ZFP57: variants seen among roughly 807,000 people sequenced by gnomAD.
The protein encoded by ZFP57 is ZFP57 zinc finger protein, also known as zinc finger protein 57 homolog.
ZFP57 carries 12 observed loss-of-function variants against 15.8 expected under a neutral mutation model. The ratio of observed to expected loss-of-function variants is 0.76; its 90% CI spans 0.49 to 1.23. The LOEUF is 1.23. ZFP57 is among the 50% of genes most tolerant of loss of function. The pLI, the probability that ZFP57 is intolerant of heterozygous loss-of-function variation, is 0.00. For missense variants in ZFP57, 536 were observed against 654.9 expected (o/e 0.82, Z 1.98); for synonymous variants, 203 against 242.3 (o/e 0.84, Z 1.51).
Position 29,677,134 on chromosome 6 carries a change from G to A in ZFP57, c.-131C>T. On this transcript the variant is annotated 5_prime_UTR_variant, in exon 2 of 5. Transcript: ENST00000376883. Reference sequence around the variant, plus strand: ...ATGGAGAGGCCCAGCAAAGGCCCCAGGGTTTGATGTGGCTTCCTGTGACAA... The same window carrying A: ...ATGGAGAGGCCCAGCAAAGGCCCCAAGGTTTGATGTGGCTTCCTGTGACAA... The A allele has an allele frequency of 4.5e-6, 6 of 1,320,690 alleles. No individual in the cohort carries two copies. Among genetic ancestry groups the A allele is most frequent in the Non-Finnish European group, 5.4e-6 (5 of 927,656 alleles). 81.8% of individuals were successfully genotyped at this position (1,320,690 alleles called of 1,614,324 possible). A position where few individuals can be genotyped will look rare whatever the true frequency, so the allele number is the denominator to read the frequency against.
intron 1 of ZFP57, among the ~76,000 whole-genome samples, chr6:29,679,663 CG>C (rs1772238046): frequency 6.6e-6 from 1 of 152,092 alleles, no homozygotes. Context: ...CCGAGGCGGG[CG>C]GATCACCTGA....
intron 1 of ZFP57, among the ~76,000 whole-genome samples, chr6:29,679,910 C>CAAAA (rs67398923): frequency 6.5e-5 from 7 of 107,296 alleles, no homozygotes; most frequent in South Asian, 3.1e-4. Flanking sequence ...AACAAACAAA[C>CAAAA]AAAAAAAAAC....
Position 29,677,089 on chromosome 6 carries a change from A to G in ZFP57, c.-86T>C. 1 of 1,599,676 alleles carries G rather than the reference A, an allele frequency of 6.3e-7. No individual in the cohort carries two copies. Among genetic ancestry groups the G allele is most frequent in the Non-Finnish European group, 8.5e-7 (1 of 1,170,870 alleles). On this transcript the variant is annotated 5_prime_UTR_variant, in exon 2 of 5. Coordinates refer to ENST00000376883, the MANE Select transcript of ZFP57 (RefSeq NM_001109809.5). The stretch of plus-strand genomic sequence containing the variant: ...ACTGGATTCCTTCCTGGGGCTATCT[A>G]CCTCCCAGTAACTGGGCAGATGGAG...
At chr6:29,676,098 A>ATGTGTGTGGGTGTGTGTGTGTGTGTG (rs772885845) in intron 2 of ZFP57, 39 bp from the exon 3 acceptor site, 1 of 1,123,916 alleles carries the variant, frequency 8.9e-7, no homozygotes, top group African/African-American at 1.6e-5. Context: ...TTATATAAAT[A>ATGTGTGTGGGTGTGTGTGTGTGTGTG]TATATGTGTG....
chr6:29,678,225 C>A (rs1318819517), intron 1 of ZFP57, among the ~76,000 whole-genome samples: 1 of 152,174 alleles, frequency 6.6e-6, no homozygotes, highest in Non-Finnish European at 1.5e-5. Context: ...CAGAGATAAA[C>A]AATTCCTAAG....
chr6:29,680,705 G>A (rs1772299848), intron 1 of ZFP57, among the ~76,000 whole-genome samples: 1 of 152,226 alleles, frequency 6.6e-6, no homozygotes, highest in Non-Finnish European at 1.5e-5. Context: ...TGGCAAAGCA[G>A]GCGCTTGTTA....
Position 29,673,551 on chromosome 6 carries a change from C to G in ZFP57, c.560G>C (p.Arg187Pro). 6.2e-7 allele frequency: 1 copy of G among 1,613,006 alleles called. No individual in the cohort carries two copies. The highest frequency in any genetic ancestry group is 8.5e-7 in the Non-Finnish European group (1 of 1,180,006). The part of the protein sequence containing the change: ...CYTCGKCFSR[R>P]SYLYSHQFVH... ...AAACTGGTGGCTATAGAGGTAGGAGCGCCTGCTGAAACATTTGCCACAGGT... is the reference window on the plus strand; with the variant it reads ...AAACTGGTGGCTATAGAGGTAGGAGGGCCTGCTGAAACATTTGCCACAGGT... Residue 187 changes from arginine to proline, a missense_variant, in exon 5 of 5, where the codon CGC (arginine) becomes CCC (proline). Arg to Pro is a moderately radical substitution (Grantham distance 103). Transcript: ENST00000376883. This position sits in a 1 kb window ranked among gnomAD's most constrained non-coding sequence, Gnocchi z 4.7.
chr6:29,672,831 A>G lies in ZFP57; in HGVS notation c.1280T>C (p.Leu427Pro), dbSNP rs1343877566. ...CSKSFSSFSR[L>P]VRHQQTHWKQ... ...CCAGTGGGTCTGCTGGTGTCTGACC[A>G]GCCTGGAAAATGAGCTGAAAGACTT... is the stretch of plus-strand genomic sequence containing the variant. The change falls in exon 5 of 5, where the codon CTG becomes CCG. Residue 427 changes from leucine to proline, a missense_variant. Coordinates refer to ENST00000376883, the MANE Select transcript of ZFP57 (RefSeq NM_001109809.5). 5 of 1,613,116 alleles carry G rather than the reference A, an allele frequency of 3.1e-6. No individual in the cohort carries two copies. The South Asian group carries it at 5.5e-5, about 18-fold the overall frequency.
chr6:29,677,355 G>A lies in ZFP57; in HGVS notation c.-352C>T. 1 of 346,028 alleles carries A rather than the reference G, an allele frequency of 2.9e-6. No homozygotes were observed. The highest frequency in any genetic ancestry group is 3.2e-5 in the South Asian group (1 of 31,246). 21.4% of individuals were successfully genotyped at this position (346,028 alleles called of 1,614,324 possible). ...AGGTGTCTGCCGTCTGTTCTACCCT[G>A]CTTCTAGAAACCTGAGGTCAGAGAA... On this transcript the variant is annotated 5_prime_UTR_variant, in exon 2 of 5. Transcript: ENST00000376883.
intron 2 of ZFP57, 144 bp downstream of exon 2, chr6:29,676,736 GA>G (rs1042180060): frequency 5.1e-5 from 53 of 1,048,926 alleles, no homozygotes; most frequent in Non-Finnish European, 6.9e-5. Context: ...GGGAGATGGA[GA>G]AAGGTCTTGC....
chr6:29,676,785 C>CT (rs1772098850), intron 2 of ZFP57, 96 bp downstream of exon 2: 1 of 1,518,394 alleles, frequency 6.6e-7, no homozygotes, highest in African/African-American at 1.4e-5. Context: ...CTGGAACAAT[C>CT]TGAGATTTCA....
At chr6:29,675,249 A>G (rs1772012704) in intron 4 of ZFP57, 137 bp downstream of exon 4, 1 of 752,558 alleles carries the variant, frequency 1.3e-6, no homozygotes, top group Non-Finnish European at 2.4e-6. Flanking sequence ...CTCTCTTTCA[A>G]CTCCAAGTCT....
At chr6:29,675,806 C>A in intron 3 of ZFP57, 127 bp downstream of exon 3, 1 of 1,218,272 alleles carries the variant, frequency 8.2e-7, no homozygotes, top group Non-Finnish European at 1.2e-6. Context: ...TCAGATCTTT[C>A]ACACCTGGAA....
chr6:29,676,530 C>T (rs527312229), intron 2 of ZFP57, among the ~76,000 whole-genome samples: 20 of 103,250 alleles, frequency 1.9e-4, no homozygotes, highest in African/African-American at 6.3e-4. Context: ...AGCGAGACTC[C>T]GTCTCAAAAA....
rs761732364 is a variant in ZFP57 at position 29,676,946 on chromosome 6, C to T, written c.58G>A (p.Glu20Lys). 9.9e-6 allele frequency: 16 copies of T among 1,614,216 alleles called. No homozygotes were observed. Among genetic ancestry groups the T allele is most frequent in the Non-Finnish European group, 1.4e-5 (16 of 1,180,036 alleles). The change falls in exon 2 of 5, where the codon GAG becomes AAG. Residue 20 changes from glutamate to lysine, a missense_variant. Physicochemically the swap from Glu to Lys is moderately conservative, Grantham distance 56. Coordinates refer to ENST00000376883, the MANE Select transcript of ZFP57 (RefSeq NM_001109809.5). ...GCTTCCTGCAGGGTGGCAGCTACCT[C>T]GCCCACCCATGGGAGCGTCTTCTGT... ...PVQKTLPWVG[E>K]VAATLQEAMK...
rs375934044 is a variant in ZFP57, at chr6:29,675,383, T to C, written c.352+3A>G. On this transcript the variant is annotated splice_donor_region_variant and intron_variant, in intron 4 of 4. Transcript: ENST00000376883. ...CCCTTCCTCCCTGCTTGGCAATTCTTACCTGAAAGGCCTTCTGTGTTTGGG... is the reference window on the plus strand; with the variant it reads ...CCCTTCCTCCCTGCTTGGCAATTCTCACCTGAAAGGCCTTCTGTGTTTGGG... 8.7e-5 allele frequency: 140 copies of C among 1,612,204 alleles called. No homozygotes were observed. In the African/African-American group the frequency reaches 1.6e-3, roughly 18 times the overall value.
Position 29,675,173 on chromosome 6 carries a change from A to G in ZFP57, c.352+213T>C, listed in dbSNP as rs3129194. Among the ~76,000 whole-genome samples, 22,149 of 101,194 alleles carry G rather than the reference A, an allele frequency of 0.22. 2,175 individuals are homozygous for G. The highest frequency in any genetic ancestry group is 0.28 in the Admixed American group (2,367 of 8,394). The allele number at this position is 101,194 out of a possible 152,430, so 66.4% of individuals were successfully genotyped here. A position where few individuals can be genotyped will look rare whatever the true frequency, so the allele number is the denominator to read the frequency against. Reference sequence around the variant, plus strand: ...TCTCAAAAAAAAAAAAAAAAAAAAAAAGAGAGAGAGAGAGAGACTTGGATC... The same window carrying G: ...TCTCAAAAAAAAAAAAAAAAAAAAAGAGAGAGAGAGAGAGAGACTTGGATC... On this transcript the variant is annotated intron_variant, in intron 4 of 4. Transcript: ENST00000376883.
At chr6:29,672,426 T>C, downstream of ZFP57, 1 of 1,574,850 alleles carries the variant, frequency 6.3e-7, no homozygotes. Flanking sequence ...CTCCCTCTAC[T>C]CCAGCCTCAT....
chr6:29,677,836 C>A (rs3129063), intron 1 of ZFP57, among the ~76,000 whole-genome samples: 25,353 of 151,814 alleles, frequency 0.17, 2,553 homozygotes, highest in East Asian at 0.32. Context: ...TAGTAGTTCC[C>A]CTTTATCATG....
Sources: allele counts gnomAD v4.1 joint callset (sites outside exome capture counted in the v4.1 genomes callset), GRCh38; gene constraint gnomAD v4.1.1; non-coding constraint Gnocchi (gnomAD v3.1); transcripts MANE v1.5; gene names NCBI Gene and HGNC (gene_info 2026-07-23, HGNC 2026-07-21).